ITGA9: variants seen among roughly 807,000 people sequenced by gnomAD.
ITGA9 encodes the protein integrin subunit alpha 9.
ITGA9 carries 56 observed loss-of-function variants against 127.8 expected under a neutral mutation model. The observed-to-expected ratio is 0.44, with a 90% CI of 0.35 to 0.55. The LOEUF is 0.55. Ranked by LOEUF, ITGA9 falls within the 20% of genes least tolerant of loss-of-function variation. The probability of loss-of-function intolerance (pLI) is 0.00; values close to 1 mark genes in which losing one functional copy is unlikely to be tolerated. For synonymous variants in ITGA9, 508 were observed against 514.5 expected (o/e 0.99, Z 0.17); for missense variants, 1,196 against 1,347.1 (o/e 0.89, Z 1.76).
intron 26 of ITGA9, among the ~76,000 whole-genome samples, chr3:37,796,324 A>G (rs1697173158): frequency 6.6e-6 from 1 of 152,108 alleles, no homozygotes; most frequent in African/African-American, 2.4e-5. Flanking sequence ...CCACAGTTAT[A>G]ATGATGCATT....
intron 11 of ITGA9, among the ~76,000 whole-genome samples, chr3:37,522,369 C>T (rs993154272): frequency 3.3e-5 from 5 of 152,134 alleles, no homozygotes; most frequent in Admixed American, 6.5e-5. Flanking sequence ...GTGACAAAGG[C>T]TGTTTGTACA....
At chr3:37,631,732 G>A (rs1242887937) in intron 16 of ITGA9, among the ~76,000 whole-genome samples, 1 of 152,200 alleles carries the variant, frequency 6.6e-6, no homozygotes, top group Non-Finnish European at 1.5e-5. Context: ...GGGGGCCAGA[G>A]TAAGAAGTGG....
chr3:37,617,864 C>G (rs1316743872), intron 15 of ITGA9, among the ~76,000 whole-genome samples: 1 of 152,196 alleles, frequency 6.6e-6, no homozygotes, highest in Non-Finnish European at 1.5e-5. Context: ...AGCCATTCAT[C>G]TAATTTTTTT....
At chr3:37,662,275 C>T (rs1234674652) in intron 17 of ITGA9, among the ~76,000 whole-genome samples, 3 of 152,006 alleles carry the variant, frequency 2.0e-5, no homozygotes, top group Admixed American at 6.6e-5. Context: ...TGGCAGCAAG[C>T]GCCTCTAGTC....
chr3:37,456,862 T>G (rs1458080245), intron 1 of ITGA9, among the ~76,000 whole-genome samples: 1 of 152,256 alleles, frequency 6.6e-6, no homozygotes. Flanking sequence ...TATATTGGTA[T>G]GTAAATTAAC....
At position 37,629,216 on chromosome 3, in the gene ITGA9, C is replaced by T. The variant is rs149067340; in HGVS notation, c.1719C>T (p.Ile573=). 2.6e-4 allele frequency: 416 copies of T among 1,613,190 alleles called. No individual in the cohort carries two copies. Among genetic ancestry groups the T allele is most frequent in the Non-Finnish European group, 3.4e-4 (397 of 1,179,934 alleles). Residue 573 remains isoleucine, a synonymous_variant, in exon 16 of 28, where the codon ATC becomes ATT. Coordinates refer to ENST00000264741, the MANE Select transcript of ITGA9 (RefSeq NM_002207.3). The surrounding 1 kb of genome is among the most constrained non-coding windows in gnomAD (Gnocchi z 4.5). ...GGGTGCAGGACGTCATCAGCCCGAT[C>T]GTGTTTGAAGCAGCCTACAGCCTCA... The part of the protein sequence containing the change: ...KRRVQDVISP[I]VFEAAYSLSE...
At chr3:37,618,375 C>T (rs994889302) in intron 15 of ITGA9, among the ~76,000 whole-genome samples, 14 of 152,200 alleles carry the variant, frequency 9.2e-5, no homozygotes, top group African/African-American at 1.4e-4. Flanking sequence ...TGCCCCTACT[C>T]GGGGATGCCT....
At chr3:37,528,292 G>A (rs1699115156) in intron 13 of ITGA9, among the ~76,000 whole-genome samples, 1 of 152,158 alleles carries the variant, frequency 6.6e-6, no homozygotes, top group Non-Finnish European at 1.5e-5. Flanking sequence ...TTACACAATG[G>A]GTGGGAGACC....
intron 15 of ITGA9, among the ~76,000 whole-genome samples, chr3:37,625,177 G>A (rs1700164746): frequency 6.6e-6 from 1 of 152,092 alleles, no homozygotes; most frequent in Non-Finnish European, 1.5e-5. Flanking sequence ...CTGTGCCCAG[G>A]GGCATTTCCT....
intron 1 of ITGA9, among the ~76,000 whole-genome samples, chr3:37,454,762 T>C (rs1698238347): frequency 6.6e-6 from 1 of 152,182 alleles, no homozygotes; most frequent in Non-Finnish European, 1.5e-5. Context: ...TCTCATGCTG[T>C]TGTTTTCAAG....
In ITGA9 at chr3:37,650,593, G is replaced by A. The variant is rs369677766; in HGVS notation, c.1840-3121G>A. On this transcript the variant is annotated intron_variant, in intron 16 of 27. Transcript: ENST00000264741. ...ATTACAGGCACCCACCACCACACCC[G>A]GCTAATTTTTGCATTTTTAGTAGAG... 9.2e-5 allele frequency among the ~76,000 whole-genome samples: 14 copies of A among 151,948 alleles called. No individual in the cohort carries two copies. In the South Asian group the frequency reaches 2.5e-3, roughly 27 times the overall value.
intron 18 of ITGA9, among the ~76,000 whole-genome samples, chr3:37,715,728 G>A (rs577443746): frequency 6.6e-6 from 1 of 152,310 alleles, no homozygotes; most frequent in East Asian, 1.9e-4. Flanking sequence ...CCCCATTGAA[G>A]CATGAGATAG....
At chr3:37,714,265 TC>T (rs1272302713) in intron 18 of ITGA9, among the ~76,000 whole-genome samples, 1 of 152,232 alleles carries the variant, frequency 6.6e-6, no homozygotes, top group African/African-American at 2.4e-5. Flanking sequence ...ATGAAGGTAC[TC>T]TGTAAATGTA....
chr3:37,738,830 T>G (rs1696397764), intron 20 of ITGA9, among the ~76,000 whole-genome samples: 1 of 152,252 alleles, frequency 6.6e-6, no homozygotes, highest in Admixed American at 6.5e-5. Context: ...AATTCAGGGC[T>G]AATCATAACA....
chr3:37,513,471 A>G (rs1698953733), intron 8 of ITGA9, among the ~76,000 whole-genome samples: 2 of 152,010 alleles, frequency 1.3e-5, no homozygotes, highest in African/African-American at 4.8e-5. Flanking sequence ...GTTTTAGGGT[A>G]CATGTGCACA....
At chr3:37,582,104 G>A (rs1362723788) in intron 15 of ITGA9, among the ~76,000 whole-genome samples, 1 of 152,158 alleles carries the variant, frequency 6.6e-6, no homozygotes, top group Non-Finnish European at 1.5e-5. Context: ...AACCCTCCAC[G>A]TGTTTTATGA....
chr3:37,777,569 A>T (rs1168781502), intron 24 of ITGA9, 52 bp downstream of exon 24: 1 of 1,592,218 alleles, frequency 6.3e-7, no homozygotes, highest in African/African-American at 1.3e-5. Context: ...CACTCGGAAG[A>T]CACCAGTTTT....
intron 18 of ITGA9, among the ~76,000 whole-genome samples, chr3:37,705,899 C>T (rs1344683619): frequency 2.0e-5 from 3 of 152,212 alleles, no homozygotes; most frequent in African/African-American, 7.2e-5. Context: ...ACTGCTCAGT[C>T]CTCCCATTTG....
intron 15 of ITGA9, among the ~76,000 whole-genome samples, chr3:37,603,332 A>G (rs910070307): frequency 2.0e-5 from 3 of 152,214 alleles, no homozygotes; most frequent in East Asian, 1.9e-4. Flanking sequence ...AATGATTTAC[A>G]TATTATTTAC....
Sources: allele counts gnomAD v4.1 joint callset (sites outside exome capture counted in the v4.1 genomes callset), GRCh38; gene constraint gnomAD v4.1.1; non-coding constraint Gnocchi (gnomAD v3.1); transcripts MANE v1.5; gene names NCBI Gene and HGNC (gene_info 2026-07-23, HGNC 2026-07-21).